The following METAP1 variants were observed in gnomAD, a reference collection of about 807,000 sequenced individuals.
The protein encoded by METAP1 is methionine aminopeptidase 1.
A neutral mutation model predicts 53.8 loss-of-function variants in METAP1; 28 were observed. The ratio of observed to expected loss-of-function variants is 0.52; its 90% confidence interval spans 0.39 to 0.71. METAP1 has a LOEUF of 0.71. Ranked by LOEUF, METAP1 falls within the 30% of genes least tolerant of loss-of-function variation. The pLI, the probability that METAP1 is intolerant of heterozygous loss-of-function variation, is 0.00. For synonymous variants in METAP1, 181 were observed against 165.7 expected, an observed-to-expected ratio of 1.09 and a Z score of -0.71; for missense variants, 389 against 479.8, an observed-to-expected ratio of 0.81 and a Z score of 1.77.
chr4:99,049,530 G>T (rs1161415409), intron 9 of METAP1, among the ~76,000 whole-genome samples: 1 of 152,104 alleles, frequency 6.6e-6, no homozygotes, highest in Non-Finnish European at 1.5e-5. Flanking sequence ...TAGGTTGAGT[G>T]CCGTGTGATA....
At chr4:99,019,097 T>C (rs1723939793) in intron 1 of METAP1, among the ~76,000 whole-genome samples, 2 of 152,202 alleles carry the variant, frequency 1.3e-5, no homozygotes, top group Non-Finnish European at 2.9e-5. Flanking sequence ...AAATTGAATA[T>C]TAGCTGCCTC....
chr4:99,012,184 A>G (rs1723507338), intron 1 of METAP1, among the ~76,000 whole-genome samples: 1 of 148,758 alleles, frequency 6.7e-6, no homozygotes, highest in South Asian at 2.1e-4. Flanking sequence ...AATTTCTAAT[A>G]TTTATTATTT....
rs926165779 is a variant in METAP1, at chr4:99,057,314, C to T, written c.932-439C>T. On this transcript the variant is annotated intron_variant, in intron 9 of 10. Transcript: ENST00000296411. ...GCAAACACATGCTTACCCCCCAAAG[C>T]GGTGGGAAATTTCTGGCATAATCTG... Among the ~76,000 whole-genome samples, 6 of 152,160 alleles carry T rather than the reference C, an allele frequency of 3.9e-5. No homozygotes were observed. In the South Asian group the frequency reaches 1.0e-3, roughly 26 times the overall value.
intron 9 of METAP1, among the ~76,000 whole-genome samples, chr4:99,050,129 T>G (rs1342402530): frequency 6.6e-6 from 1 of 151,710 alleles, no homozygotes; most frequent in African/African-American, 2.4e-5. Context: ...GAGAACTAAG[T>G]TTTGGTTGGG....
At chr4:99,007,497 A>G (rs1723232349) in intron 1 of METAP1, among the ~76,000 whole-genome samples, 1 of 151,792 alleles carries the variant, frequency 6.6e-6, no homozygotes, top group Non-Finnish European at 1.5e-5. Context: ...TCCTTACCTG[A>G]TAATTATTTC....
At chr4:98,995,951 G>C (rs1176569712) in intron 1 of METAP1, 84 bp downstream of exon 1, 1 of 1,139,790 alleles carries the variant, frequency 8.8e-7, no homozygotes, top group Non-Finnish European at 1.3e-6. Context: ...CGCCCTTGCG[G>C]CGAGTCGGGA....
At chr4:99,022,651 G>A in intron 1 of METAP1, 1 of 1,083,848 alleles carries the variant, frequency 9.2e-7, no homozygotes, top group Non-Finnish European at 1.4e-6. Context: ...GGCGCTCAAA[G>A]GCAAGGTGCT....
chr4:99,058,651 C>T (rs778388039), intron 10 of METAP1, among the ~76,000 whole-genome samples: 3 of 152,132 alleles, frequency 2.0e-5, no homozygotes, highest in Admixed American at 6.6e-5. Context: ...CTCTCTTGAT[C>T]CTTCCAGTCT....
intron 1 of METAP1, among the ~76,000 whole-genome samples, chr4:99,027,571 CTAACA>C (rs1430475698): frequency 1.3e-5 from 2 of 151,310 alleles, no homozygotes; most frequent in African/African-American, 4.9e-5. Context: ...GTCATATAAC[CTAACA>C]TATTTATATT....
chr4:99,005,879 A>G (rs1374396618), intron 1 of METAP1: 2 of 331,112 alleles, frequency 6.0e-6, no homozygotes, highest in South Asian at 4.9e-5. Context: ...GGGTACTCAA[A>G]GACATTCGGA....
In METAP1 at chr4:99,022,424, G is replaced by C. The variant is rs114793991; in HGVS notation, c.115-6443G>C. On this transcript the variant is annotated intron_variant, in intron 1 of 10. Transcript: ENST00000296411. Reference sequence around the variant, plus strand: ...TGGGCCTTGTCCTAGGCAGTTGCCAGGTGAGCCCATTCACACCCTACTGGC... The same window carrying C: ...TGGGCCTTGTCCTAGGCAGTTGCCACGTGAGCCCATTCACACCCTACTGGC... 1,606 of 673,332 alleles carry C rather than the reference G, an allele frequency of 2.4e-3. 18 individuals carry two copies. In the African/African-American group the frequency reaches 0.027, roughly 11 times the overall value. 41.7% of individuals were successfully genotyped at this position (673,332 alleles called of 1,614,324 possible).
chr4:99,009,466 G>T lies in METAP1; in HGVS notation c.114+13599G>T, dbSNP rs558375572. 3.9e-5 allele frequency among the ~76,000 whole-genome samples: 6 copies of T among 152,248 alleles called. No individual in the cohort carries two copies. The East Asian group carries it at 7.7e-4, about 20-fold the overall frequency. On this transcript the variant is annotated intron_variant, in intron 1 of 10. Transcript: ENST00000296411. ...TTCTGTTTTCTATAGTAGTTGGATT[G>T]TTCTACAATTCCAACACAATGTACA...
chr4:99,044,129 A>G (rs1726061512), intron 7 of METAP1, among the ~76,000 whole-genome samples: 1 of 152,028 alleles, frequency 6.6e-6, no homozygotes, highest in African/African-American at 2.4e-5. Flanking sequence ...GGGTTTTGCC[A>G]TGTTGCCCAG....
chr4:99,009,388 T>A (rs1723356867), intron 1 of METAP1, among the ~76,000 whole-genome samples: 1 of 152,224 alleles, frequency 6.6e-6, no homozygotes, highest in African/African-American at 2.4e-5. Context: ...TACTCAGAAG[T>A]GGGATTGCTG....
intron 2 of METAP1, chr4:99,031,692 T>G: frequency 7.0e-6 from 6 of 859,674 alleles, no homozygotes; most frequent in Non-Finnish European, 8.4e-6. Context: ...TAATCATCTC[T>G]GGAAGACTTG....
At chr4:99,008,851 T>C (rs1723317518) in intron 1 of METAP1, among the ~76,000 whole-genome samples, 3 of 152,236 alleles carry the variant, frequency 2.0e-5, no homozygotes, top group Admixed American at 2.0e-4. Flanking sequence ...TATACAGTTT[T>C]GTAATTTACC....
intron 1 of METAP1, among the ~76,000 whole-genome samples, chr4:99,020,698 C>G (rs1487352514): frequency 6.6e-6 from 1 of 152,182 alleles, no homozygotes; most frequent in African/African-American, 2.4e-5. Context: ...TGTATCTCTT[C>G]TGAAGACATA....
chr4:99,040,474 AT>A (rs35357531), intron 5 of METAP1, among the ~76,000 whole-genome samples: 75 of 146,558 alleles, frequency 5.1e-4, no homozygotes, highest in Admixed American at 8.2e-4. Flanking sequence ...TCATTCATCT[AT>A]TTTTTTTTTT....
chr4:99,003,901 T>G (rs919347312), intron 1 of METAP1, among the ~76,000 whole-genome samples: 1 of 152,132 alleles, frequency 6.6e-6, no homozygotes, highest in African/African-American at 2.4e-5. Flanking sequence ...GATAGAGGGC[T>G]TAGTCCTCGA....
Sources: gnomAD v4.1 joint callset for allele counts (sites outside exome capture counted in the v4.1 genomes callset) on GRCh38, gnomAD v4.1.1 for gene constraint, MANE v1.5 for transcripts, NCBI Gene and HGNC (gene_info 2026-07-23, HGNC 2026-07-21) for gene names.